The following HDAC4 variants were observed in gnomAD, a reference collection of about 807,000 sequenced individuals.
HDAC4 encodes the protein histone deacetylase A.
A neutral mutation model predicts 135.1 loss-of-function variants in HDAC4; 16 were observed. The ratio of observed to expected loss-of-function variants is 0.12; its 90% CI spans 0.08 to 0.18. HDAC4 has a LOEUF of 0.18. Among genes scored for constraint, HDAC4 ranks in the 10% least tolerant of loss-of-function variants. HDAC4 has a pLI of 1.00. For missense variants in HDAC4, 1,143 were observed against 1,511.8 expected, an observed-to-expected ratio of 0.76 and a Z score of 4.05; for synonymous variants, 685 against 653.4, an observed-to-expected ratio of 1.05 and a Z score of -0.74.
chr2:239,195,743 T>A (rs2045337894), intron 3 of HDAC4, among the ~76,000 whole-genome samples: 1 of 152,174 alleles, frequency 6.6e-6, no homozygotes, highest in African/African-American at 2.4e-5. Flanking sequence ...GAAAACGGCT[T>A]TTATAGGTTG....
At position 239,393,104 on chromosome 2, in the gene HDAC4, A is replaced by T. The variant is rs527854316; in HGVS notation, c.-220+7874T>A. ...TGGATGCGGCCCGTCTCAGAGCCAC[A>T]GGACTGGGACCCCCGGCGTGTGAGC... On this transcript the variant is annotated intron_variant, in intron 1 of 26. Coordinates refer to ENST00000543185, the MANE Select transcript of HDAC4 (RefSeq NM_001378414.1). Among the ~76,000 whole-genome samples, 3 of 152,256 alleles carry T rather than the reference A, an allele frequency of 2.0e-5. No homozygotes were observed. In the South Asian group the frequency reaches 6.2e-4, roughly 32 times the overall value.
In HDAC4 at chr2:239,245,630, C is replaced by T. The variant is rs902492564; in HGVS notation, c.23-8966G>A. On this transcript the variant is annotated intron_variant, in intron 2 of 26. Transcript: ENST00000543185. This position sits in a 1 kb window ranked among gnomAD's most constrained non-coding sequence, Gnocchi z 4.4. ...AAGGTGTGGAGAGATGAAGTGGTCA[C>T]GATGGAGAGCCTCAGGGATTTCCTG... Among the ~76,000 whole-genome samples, 4 of 152,170 alleles carry T rather than the reference C, an allele frequency of 2.6e-5. No individual in the cohort carries two copies. Among genetic ancestry groups the T allele is most frequent in the African/African-American group, 9.6e-5 (4 of 41,522 alleles).
At chr2:239,377,137 T>G (rs1695066937) in intron 1 of HDAC4, among the ~76,000 whole-genome samples, 1 of 152,172 alleles carries the variant, frequency 6.6e-6, no homozygotes, top group Non-Finnish European at 1.5e-5. Context: ...CGGGGTGGGC[T>G]GCGCTCCTCT....
Position 239,156,916 on chromosome 2 carries a change from C to A in HDAC4, c.612-143G>T. ...GACACACCTTTTCCCTAGGGTCAAG[C>A]TGAAATTAAATGGAAACAAACAGGA... On this transcript the variant is annotated intron_variant, in intron 6 of 26. Transcript: ENST00000543185. 1.0e-6 allele frequency: 1 copy of A among 957,956 alleles called. No individual in the cohort carries two copies. The highest frequency in any genetic ancestry group is 2.0e-5 in the Admixed American group (1 of 50,560). 59.3% of individuals were successfully genotyped at this position (957,956 alleles called of 1,614,324 possible). A position where few individuals can be genotyped will look rare whatever the true frequency, so the allele number is the denominator to read the frequency against.
At chr2:239,255,584 C>T (rs1045471856) in intron 2 of HDAC4, among the ~76,000 whole-genome samples, 9 of 152,172 alleles carry the variant, frequency 5.9e-5, no homozygotes, top group Non-Finnish European at 7.4e-5. Flanking sequence ...TGAAATTGTA[C>T]GCACAGGCAC....
chr2:239,067,751 C>A (rs2033706145), intron 23 of HDAC4, among the ~76,000 whole-genome samples: 2 of 152,192 alleles, frequency 1.3e-5, no homozygotes, highest in Non-Finnish European at 2.9e-5. Flanking sequence ...CCTCCCCACG[C>A]AAGGACCTGA....
chr2:239,240,987 C>G lies in HDAC4; in HGVS notation c.23-4323G>C, dbSNP rs560770358. 2.6e-5 allele frequency among the ~76,000 whole-genome samples: 4 copies of G among 152,202 alleles called. No homozygotes were observed. The highest frequency in any genetic ancestry group is 9.7e-5 in the African/African-American group (4 of 41,448). ...GAGCCAAAGGAACCTCACTTTCACC[C>G]GGAGGGCCCAGGCCCCCCACTTCAC... On this transcript the variant is annotated intron_variant, in intron 2 of 26. Transcript: ENST00000543185. The surrounding 1 kb of genome is among the most constrained non-coding windows in gnomAD (Gnocchi z 4.5).
At chr2:239,363,610 G>A (rs1693993776) in intron 1 of HDAC4, among the ~76,000 whole-genome samples, 1 of 152,162 alleles carries the variant, frequency 6.6e-6, no homozygotes, top group Non-Finnish European at 1.5e-5. Context: ...AGACCTAAAT[G>A]TTAAAGGTAA....
chr2:239,380,087 C>T (rs914158172), intron 1 of HDAC4, among the ~76,000 whole-genome samples: 3 of 152,210 alleles, frequency 2.0e-5, no homozygotes, highest in African/African-American at 7.2e-5. Flanking sequence ...GTCGGGGGCG[C>T]GGCGTGGGCC....
At chr2:239,375,653 C>A (rs1694953369) in intron 1 of HDAC4, among the ~76,000 whole-genome samples, 1 of 152,240 alleles carries the variant, frequency 6.6e-6, no homozygotes, top group Non-Finnish European at 1.5e-5. Flanking sequence ...GTCCTGCCAA[C>A]TCAGTCACGC....
At chr2:239,220,140 A>G (rs554901127) in intron 3 of HDAC4, among the ~76,000 whole-genome samples, 1 of 152,388 alleles carries the variant, frequency 6.6e-6, no homozygotes, top group South Asian at 2.1e-4. Flanking sequence ...TAAACACTGG[A>G]ACACACTGCA....
chr2:239,357,926 G>T (rs1190730071), intron 1 of HDAC4, among the ~76,000 whole-genome samples: 1 of 141,694 alleles, frequency 7.1e-6, no homozygotes, highest in East Asian at 2.0e-4. Context: ...AAGAGAGTGG[G>T]AATTAACTAC....
intron 18 of HDAC4, among the ~76,000 whole-genome samples, chr2:239,089,047 G>C (rs2036252347): frequency 6.6e-6 from 1 of 151,832 alleles, no homozygotes; most frequent in African/African-American, 2.4e-5. Flanking sequence ...CAAAACGGAG[G>C]GGGAGGAGGC....
intron 23 of HDAC4, 81 bp from the exon 24 acceptor site, chr2:239,066,936 C>T (rs376992065): frequency 1.1e-5 from 17 of 1,527,734 alleles, no homozygotes; most frequent in Middle Eastern, 3.4e-4. Flanking sequence ...CTCATGGCAT[C>T]GTAAGAAGAC....
At chr2:239,259,772 T>C (rs1373084234) in intron 2 of HDAC4, among the ~76,000 whole-genome samples, 1 of 152,186 alleles carries the variant, frequency 6.6e-6, no homozygotes, top group East Asian at 1.9e-4. Context: ...CTGCTGACAA[T>C]GTTGAAGAAA....
rs779528294 is a variant in HDAC4, at chr2:239,053,131, T to C, written c.3236A>G (p.Asp1079Gly). Residue 1079 changes from aspartate (D) to glycine (G), a missense_variant, in exon 27 of 27, where the codon GAT (aspartate) becomes GGT (glycine). By Grantham distance (94) the Asp-to-Gly change is moderately conservative. Transcript: ENST00000543185. ...CGGCTCCTCTTCCATGGGCTCCTCATCTGGTCTGTGGATCCCGCAAGAGAA... is the reference window on the plus strand; with the variant it reads ...CGGCTCCTCTTCCATGGGCTCCTCACCTGGTCTGTGGATCCCGCAAGAGAA... The part of the protein sequence containing the change: ...VGVKPAEKRP[D>G]EEPMEEEPPL 23 of 1,614,044 alleles carry C rather than the reference T, an allele frequency of 1.4e-5. No individual in the cohort carries two copies. Among genetic ancestry groups the C allele is most frequent in the Non-Finnish European group, 1.7e-6 (2 of 1,180,018 alleles).
chr2:239,353,297 G>C (rs1419641238), intron 1 of HDAC4, among the ~76,000 whole-genome samples: 1 of 152,208 alleles, frequency 6.6e-6, no homozygotes, highest in Non-Finnish European at 1.5e-5. Context: ...TTACAGGCTT[G>C]AGCCACCACG....
In HDAC4 at chr2:239,331,755, C is replaced by T. The variant is rs545612122; in HGVS notation, c.22+20923G>A. Among the ~76,000 whole-genome samples, 3 of 152,176 alleles carry T rather than the reference C, an allele frequency of 2.0e-5. No individual in the cohort carries two copies. The highest frequency in any genetic ancestry group is 2.1e-4 in the South Asian group (1 of 4,824). On this transcript the variant is annotated intron_variant, in intron 2 of 26. Transcript: ENST00000543185. This position sits in a 1 kb window ranked among gnomAD's most constrained non-coding sequence, Gnocchi z 4.5. Reference sequence around the variant, plus strand: ...GGACAGGATGCAATCTAAAACACGGCGATGCACGAGGAGCCCAGGCCTGGG... The same window carrying T: ...GGACAGGATGCAATCTAAAACACGGTGATGCACGAGGAGCCCAGGCCTGGG...
At chr2:239,357,085 T>C (rs1693535708) in intron 1 of HDAC4, among the ~76,000 whole-genome samples, 3 of 152,212 alleles carry the variant, frequency 2.0e-5, no homozygotes, top group Admixed American at 1.3e-4. Flanking sequence ...TCACGTTCTT[T>C]TTTAAAAACA....
Sources: allele counts gnomAD v4.1 joint callset (sites outside exome capture counted in the v4.1 genomes callset), GRCh38; gene constraint gnomAD v4.1.1; non-coding constraint Gnocchi (gnomAD v3.1); transcripts MANE v1.5; gene names NCBI Gene and HGNC (gene_info 2026-07-23, HGNC 2026-07-21).